The following APP variants were observed in gnomAD, a reference collection of about 807,000 sequenced individuals.
The protein encoded by APP is amyloid beta precursor protein, also known as amyloid-beta precursor protein.
A neutral mutation model predicts 101.4 loss-of-function variants in APP; 31 were observed. The observed-to-expected ratio is 0.31, with a 90% CI of 0.23 to 0.41. The LOEUF (loss-of-function observed/expected upper bound fraction) is 0.41, where lower values mean the gene tolerates loss of function less well. APP is among the 10% of genes least tolerant of loss of function. APP has a pLI of 1.00. For missense variants in APP, 839 were observed against 1,003.7 expected (o/e 0.84, Z 2.22); for synonymous variants, 366 against 364.4 (o/e 1.00, Z -0.05).
At chr21:26,125,361 G>A (rs1255970930) in intron 1 of APP, among the ~76,000 whole-genome samples, 5 of 152,122 alleles carry the variant, frequency 3.3e-5, no homozygotes, top group African/African-American at 9.7e-5. Context: ...TCTAAGTCAG[G>A]CTGGATTCAT....
At chr21:25,974,617 T>C (rs2042156851) in intron 11 of APP, among the ~76,000 whole-genome samples, 1 of 152,240 alleles carries the variant, frequency 6.6e-6, no homozygotes, top group South Asian at 2.1e-4. Flanking sequence ...AGTATGCTGA[T>C]GTCTTGATCT....
chr21:26,028,561 G>A (rs1211549243), intron 5 of APP, among the ~76,000 whole-genome samples: 1 of 152,074 alleles, frequency 6.6e-6, no homozygotes, highest in Non-Finnish European at 1.5e-5. Flanking sequence ...AGAGACACGG[G>A]GATTCAGGTA....
chr21:25,898,604 C>T (rs927241569), intron 15 of APP, among the ~76,000 whole-genome samples: 1 of 152,116 alleles, frequency 6.6e-6, no homozygotes, highest in African/African-American at 2.4e-5. Flanking sequence ...TATCAATTTC[C>T]CTCCATTTTT....
At chr21:26,150,618 C>G (rs404164) in intron 1 of APP, among the ~76,000 whole-genome samples, 1 of 151,004 alleles carries the variant, frequency 6.6e-6, no homozygotes, top group Middle Eastern at 3.2e-3. Flanking sequence ...GATAGATAGA[C>G]AGATAGATAG....
At chr21:25,976,101 G>A in intron 9 of APP, 73 bp from the exon 10 acceptor site, 1 of 1,254,608 alleles carries the variant, frequency 8.0e-7, no homozygotes, top group East Asian at 2.3e-5. Flanking sequence ...TAGGATGGAT[G>A]ATTATGTTTT....
intron 3 of APP, among the ~76,000 whole-genome samples, chr21:26,078,997 T>C (rs1398173735): frequency 6.8e-6 from 1 of 146,846 alleles, no homozygotes; most frequent in Non-Finnish European, 1.5e-5. Flanking sequence ...GAGCTGAGAT[T>C]GTGCCATTGC....
chr21:25,945,025 C>A (rs529045693), intron 13 of APP, among the ~76,000 whole-genome samples: 1 of 152,146 alleles, frequency 6.6e-6, no homozygotes, highest in Non-Finnish European at 1.5e-5. Context: ...CAGACTTTGG[C>A]GTGGGAGACC....
intron 1 of APP, among the ~76,000 whole-genome samples, chr21:26,163,654 T>C (rs906105905): frequency 6.6e-6 from 1 of 152,188 alleles, no homozygotes; most frequent in African/African-American, 2.4e-5. Context: ...TCTTGTCTTC[T>C]TGTCTTTAGT....
intron 11 of APP, among the ~76,000 whole-genome samples, chr21:25,965,985 T>C (rs4175): frequency 0.59 from 89,002 of 152,064 alleles, 28,629 homozygotes; most frequent in African/African-American, 0.86. Context: ...GACTGAGCAG[T>C]GCTCCACTGT....
intron 3 of APP, among the ~76,000 whole-genome samples, chr21:26,057,937 A>T (rs1235632063): frequency 6.6e-6 from 1 of 152,256 alleles, no homozygotes; most frequent in Admixed American, 6.5e-5. Context: ...TAAATTAGCT[A>T]GCAAGCCATA....
intron 6 of APP, among the ~76,000 whole-genome samples, chr21:26,019,031 C>T (rs528705982): frequency 2.6e-5 from 4 of 152,284 alleles, no homozygotes; most frequent in Non-Finnish European, 5.9e-5. Context: ...TTGTCTTGTT[C>T]TAGAATATGG....
chr21:26,054,361 T>A (rs2045953991), intron 3 of APP, among the ~76,000 whole-genome samples: 1 of 152,176 alleles, frequency 6.6e-6, no homozygotes, highest in Non-Finnish European at 1.5e-5. Flanking sequence ...CTGTCAAACA[T>A]CAAGAACTCT....
intron 8 of APP, among the ~76,000 whole-genome samples, chr21:25,992,854 A>T (rs369949873): frequency 6.6e-6 from 1 of 152,248 alleles, no homozygotes; most frequent in Non-Finnish European, 1.5e-5. Flanking sequence ...CTAATTTGGC[A>T]GTTTTAGTTC....
At chr21:25,881,904 C>T in intron 17 of APP, 133 bp from the exon 18 acceptor site, 2 of 932,546 alleles carry the variant, frequency 2.1e-6, no homozygotes, top group South Asian at 1.4e-5. Context: ...TAATTTTCTC[C>T]CCCACTTTGA....
intron 13 of APP, among the ~76,000 whole-genome samples, chr21:25,925,862 G>A (rs1046542817): frequency 6.6e-6 from 1 of 152,230 alleles, no homozygotes; most frequent in African/African-American, 2.4e-5. Context: ...CTTGAACCCG[G>A]GAGGTGGAGG....
At chr21:26,164,180 G>A (rs1376019350) in intron 1 of APP, among the ~76,000 whole-genome samples, 1 of 152,256 alleles carries the variant, frequency 6.6e-6, no homozygotes, top group Non-Finnish European at 1.5e-5. Flanking sequence ...GAGAGGCGGA[G>A]ATTGCAGTGA....
chr21:26,153,141 C>G (rs1048148358), intron 1 of APP, among the ~76,000 whole-genome samples: 1 of 152,016 alleles, frequency 6.6e-6, no homozygotes, highest in South Asian at 2.1e-4. Flanking sequence ...TAGAGACTCA[C>G]GAGGAGGAGG....
chr21:26,107,605 G>A (rs941173233), intron 2 of APP, among the ~76,000 whole-genome samples: 2 of 152,062 alleles, frequency 1.3e-5, no homozygotes, highest in South Asian at 2.1e-4. Flanking sequence ...ATGGGGAATC[G>A]TCTCTCTTTG....
At chr21:26,109,004 GC>G (rs781174488) in intron 2 of APP, among the ~76,000 whole-genome samples, 2 of 152,144 alleles carry the variant, frequency 1.3e-5, no homozygotes, top group African/African-American at 2.4e-5. Context: ...TGATGTTTTG[GC>G]CCTTTCTTAC....
Sources: allele counts gnomAD v4.1 joint callset (sites outside exome capture counted in the v4.1 genomes callset), GRCh38; gene constraint gnomAD v4.1.1; transcripts MANE v1.5; gene names NCBI Gene and HGNC (gene_info 2026-07-23, HGNC 2026-07-21).